The following ANKLE2 variants were observed in gnomAD, a reference collection of about 807,000 sequenced individuals.
ANKLE2 encodes ankyrin repeat and LEM domain containing 2, also known as ankyrin repeat and LEM domain-containing protein 2.
In ANKLE2, 55 loss-of-function variants were observed where a neutral mutation model predicts 84.2. The ratio of observed to expected loss-of-function variants is 0.65; its 90% CI spans 0.53 to 0.82. The LOEUF (loss-of-function observed/expected upper bound fraction) is 0.82. Among genes scored for constraint, ANKLE2 ranks in the 40% least tolerant of loss-of-function variants. The pLI is 0.00. For missense variants in ANKLE2, 1,238 were observed against 1,201.9 expected, an observed-to-expected ratio of 1.03 and a Z score of -0.44; for synonymous variants, 551 against 486.1, an observed-to-expected ratio of 1.13 and a Z score of -1.76.
chr12:132,734,260 A>G (rs1234413466), intron 10 of ANKLE2, 125 bp downstream of exon 10: 2 of 1,054,574 alleles, frequency 1.9e-6, no homozygotes, highest in Non-Finnish European at 2.7e-6. Flanking sequence ...ATACTAACCT[A>G]AGGGAAAGTA....
chr12:132,761,553 C>T (rs976876175), intron 1 of ANKLE2, 65 bp downstream of exon 1: 1 of 1,175,730 alleles, frequency 8.5e-7, no homozygotes. Context: ...ACCCCAGGCC[C>T]GAGGAGGGCG....
chr12:132,748,052 A>G, intron 4 of ANKLE2, 32 bp from the exon 5 acceptor site: 1 of 1,599,180 alleles, frequency 6.3e-7, no homozygotes, highest in Non-Finnish European at 8.5e-7. Flanking sequence ...TGAGCTTCCT[A>G]TCTGATGTGT....
rs10747081 is a variant in ANKLE2, at chr12:132,735,358, T to C, written c.1700+48A>G. On this transcript the variant is annotated intron_variant, in intron 9 of 12. Transcript: ENST00000357997. ...TTTGACCTTCTGTCATTAATCAAAA[T>C]GCAACCAACTGTGTGCCCCACGCTG... The C allele has an allele frequency of 0.62, 957,112 of 1,537,888 alleles. 301,183 individuals are homozygous for C. Among genetic ancestry groups the C allele is most frequent in the East Asian group, 0.82 (36,402 of 44,482 alleles).
intron 3 of ANKLE2, 147 bp from the exon 4 acceptor site, chr12:132,748,478 C>T (rs1046989264): frequency 6.0e-6 from 5 of 833,128 alleles, no homozygotes; most frequent in South Asian, 1.7e-5. Flanking sequence ...GAGAAGGGCC[C>T]ACGGCCACCG....
intron 6 of ANKLE2, among the ~76,000 whole-genome samples, chr12:132,742,756 CCATCCTCACCACCAT>C: frequency 5.4e-3 from 1 of 184 alleles, no homozygotes; most frequent in Non-Finnish European, 9.3e-3. Flanking sequence ...ATTGCTATCT[CCATCCTCACCACCAT>C]CATCCTCACT....
intron 10 of ANKLE2, chr12:132,730,526 C>G (rs373404383): frequency 2.2e-6 from 1 of 456,184 alleles, no homozygotes; most frequent in Non-Finnish European, 3.9e-6. Context: ...CCTCCAGACA[C>G]AATCAGGCTG....
At position 132,740,735 on chromosome 12, in the gene ANKLE2, A is replaced by C. The variant is rs576660283; in HGVS notation, c.1420+684T>G. On this transcript the variant is annotated intron_variant, in intron 7 of 12. Transcript: ENST00000357997. ...CATCCCTGAAACCAGCCGTTTTCAC[A>C]TGCCTGGCACCTACAAACCGCAAGG... is the stretch of plus-strand genomic sequence containing the variant. Among the ~76,000 whole-genome samples the C allele has an allele frequency of 2.6e-5, 4 of 152,222 alleles. No individual in the cohort carries two copies. In the East Asian group the frequency reaches 5.8e-4, roughly 22 times the overall value.
intron 2 of ANKLE2, among the ~76,000 whole-genome samples, chr12:132,753,292 C>T (rs1168247076): frequency 1.3e-5 from 2 of 151,794 alleles, no homozygotes; most frequent in African/African-American, 4.8e-5. Flanking sequence ...CACTACACCC[C>T]AACCTGGGTG....
chr12:132,750,314 A>T (rs544745753), intron 3 of ANKLE2, among the ~76,000 whole-genome samples: 87 of 151,362 alleles, frequency 5.7e-4, no homozygotes, highest in Non-Finnish European at 1.0e-3. Context: ...TAAGCCCAGG[A>T]GTTTGAGGCT....
intron 1 of ANKLE2, 28 bp downstream of exon 1, chr12:132,761,590 G>T: frequency 8.2e-7 from 1 of 1,216,740 alleles, no homozygotes; most frequent in Non-Finnish European, 1.0e-6. Flanking sequence ...GCCAGGGTGC[G>T]GGGACCCAGC....
chr12:132,752,232 CG>C (rs1566034647), intron 2 of ANKLE2, among the ~76,000 whole-genome samples: 1 of 151,962 alleles, frequency 6.6e-6, no homozygotes, highest in African/African-American at 2.4e-5. Flanking sequence ...ACTAGCTACT[CG>C]GGAGGCTGCA....
At position 132,726,445 on chromosome 12, in the gene ANKLE2, T is replaced by C. The variant is rs1027236402; in HGVS notation, c.*797A>G. On this transcript the variant is annotated 3_prime_UTR_variant, in exon 13 of 13. Coordinates refer to ENST00000357997, the MANE Select transcript of ANKLE2 (RefSeq NM_015114.3). ...CAGGATAAATTTGAAAACAGAACAA[T>C]GTATAGACTGTATTACTGCTGCACT... is the stretch of plus-strand genomic sequence containing the variant. 2 of 152,090 alleles carry C rather than the reference T, an allele frequency of 1.3e-5. No individual in the cohort carries two copies. The highest frequency in any genetic ancestry group is 6.6e-5 in the Admixed American group (1 of 15,262). 9.4% of individuals were successfully genotyped at this position (152,090 alleles called of 1,614,324 possible). A position where few individuals can be genotyped will look rare whatever the true frequency, so the allele number is the denominator to read the frequency against.
intron 10 of ANKLE2, 76 bp downstream of exon 10, chr12:132,734,309 A>G (rs1181911322): frequency 6.9e-7 from 1 of 1,454,572 alleles, no homozygotes. Flanking sequence ...GACGAGAAAC[A>G]GATGTGCGCA....
intron 6 of ANKLE2, chr12:132,741,920 T>C (rs1396169699): frequency 4.5e-6 from 2 of 441,374 alleles, no homozygotes; most frequent in Non-Finnish European, 4.5e-6. Context: ...CAAAGTTCTA[T>C]TTTTGCCACT....
At chr12:132,751,865 C>T (rs1277573347) in intron 2 of ANKLE2, among the ~76,000 whole-genome samples, 1 of 152,044 alleles carries the variant, frequency 6.6e-6, no homozygotes, top group Non-Finnish European at 1.5e-5. Context: ...TTAAACATGC[C>T]AAGAAACCAT....
intron 5 of ANKLE2, chr12:132,745,699 C>G (rs1220498280): frequency 5.5e-6 from 1 of 182,960 alleles, no homozygotes; most frequent in East Asian, 1.3e-4. Flanking sequence ...CAAGGACAAT[C>G]TCCCTTCCTC....
At chr12:132,732,651 TG>T (rs1160138915) in intron 10 of ANKLE2, among the ~76,000 whole-genome samples, 2 of 98,526 alleles carry the variant, frequency 2.0e-5, no homozygotes, top group Non-Finnish European at 4.2e-5. Flanking sequence ...GCGCTCTGCG[TG>T]CTGGTGTCTG....
chr12:132,754,270 A>T (rs764230241), intron 2 of ANKLE2, among the ~76,000 whole-genome samples: 10 of 152,142 alleles, frequency 6.6e-5, no homozygotes, highest in Non-Finnish European at 1.2e-4. Context: ...TAAAAACAAA[A>T]TAAAACCACA....
At position 132,725,513 on chromosome 12, in the gene ANKLE2, ATTCAT is replaced by A. The variant is rs2043685121; in HGVS notation, c.*1724_*1728del. The A allele has an allele frequency of 6.6e-6, 1 of 152,208 alleles. No individual in the cohort carries two copies. The highest frequency in any genetic ancestry group is 1.5e-5 in the Non-Finnish European group (1 of 68,042). 9.4% of individuals were successfully genotyped at this position (152,208 alleles called of 1,614,324 possible). A position where few individuals can be genotyped will look rare whatever the true frequency, so the allele number is the denominator to read the frequency against. ...ATTATTACCACGCGGTTTTGAAGTAATTCATTTCATTAAGTGTTTTGTGAAGGACA... is the reference window on the plus strand; with the variant it reads ...ATTATTACCACGCGGTTTTGAAGTAATTCATTAAGTGTTTTGTGAAGGACA... On this transcript the variant is annotated 3_prime_UTR_variant, in exon 13 of 13. Transcript: ENST00000357997.
Sources: gnomAD v4.1 joint callset for allele counts (sites outside exome capture counted in the v4.1 genomes callset) on GRCh38, gnomAD v4.1.1 for gene constraint, MANE v1.5 for transcripts, NCBI Gene and HGNC (gene_info 2026-07-23, HGNC 2026-07-21) for gene names.